RFX4: variants seen among roughly 807,000 people sequenced by gnomAD.
RFX4 encodes the protein transcription factor RFX4.
A neutral mutation model predicts 95.0 loss-of-function variants in RFX4; 10 were observed. The observed-to-expected ratio is 0.11, with a 90% CI of 0.06 to 0.18. The LOEUF is 0.18. RFX4 is among the 10% of genes least tolerant of loss of function. The probability of loss-of-function intolerance (pLI) is 1.00; values close to 1 mark genes in which losing one functional copy is unlikely to be tolerated. For synonymous variants in RFX4, 321 were observed against 340.7 expected (o/e 0.94, Z 0.64); for missense variants, 640 against 922.0 (o/e 0.69, Z 3.96).
intron 17 of RFX4, among the ~76,000 whole-genome samples, chr12:106,753,727 A>AC (rs1378630379): frequency 6.6e-6 from 1 of 151,946 alleles, no homozygotes; most frequent in African/African-American, 2.4e-5. Context: ...CTCAGGCACC[A>AC]CCCCCTGCCG....
At chr12:106,605,729 A>T (rs1469252076) in intron 1 of RFX4, among the ~76,000 whole-genome samples, 2 of 152,210 alleles carry the variant, frequency 1.3e-5, no homozygotes, top group Non-Finnish European at 2.9e-5. Context: ...TGGTTCTTTG[A>T]TGGGGGTACT....
At chr12:106,672,187 T>C (rs1005612765) in intron 4 of RFX4, among the ~76,000 whole-genome samples, 2 of 152,168 alleles carry the variant, frequency 1.3e-5, no homozygotes, top group Admixed American at 6.5e-5. Context: ...TGTAAGGGTA[T>C]CCTGCATGCT....
chr12:106,600,350 A>G (rs1248707329), intron 1 of RFX4, among the ~76,000 whole-genome samples: 1 of 152,028 alleles, frequency 6.6e-6, no homozygotes, highest in Non-Finnish European at 1.5e-5. Context: ...GCTTCCTCCA[A>G]GAAGCTTCCT....
At chr12:106,677,241 G>T (rs78154585) in intron 4 of RFX4, among the ~76,000 whole-genome samples, 1 of 152,278 alleles carries the variant, frequency 6.6e-6, no homozygotes, top group Non-Finnish European at 1.5e-5. Flanking sequence ...GGCAGCTAAG[G>T]CTGCATGGGA....
chr12:106,649,009 C>T (rs994631636), intron 3 of RFX4, among the ~76,000 whole-genome samples: 2 of 152,010 alleles, frequency 1.3e-5, no homozygotes, highest in African/African-American at 2.4e-5. Context: ...AGCTCATTAT[C>T]TCTCCATAAT....
intron 16 of RFX4, among the ~76,000 whole-genome samples, chr12:106,750,329 TA>T (rs1348965078): frequency 6.6e-6 from 1 of 151,592 alleles, no homozygotes; most frequent in African/African-American, 2.4e-5. Flanking sequence ...ATATAAAAAT[TA>T]GCCGGGCATG....
chr12:106,604,058 G>C (rs1261558769), intron 1 of RFX4, among the ~76,000 whole-genome samples: 1 of 151,202 alleles, frequency 6.6e-6, no homozygotes, highest in Non-Finnish European at 1.5e-5. Flanking sequence ...TTTCTACTTG[G>C]TAACTAGAGG....
chr12:106,644,617 T>G (rs769679916), intron 3 of RFX4, among the ~76,000 whole-genome samples: 7 of 152,206 alleles, frequency 4.6e-5, no homozygotes, highest in Admixed American at 6.5e-5. Context: ...CATCTTCGTG[T>G]GTGCCCCCTT....
chr12:106,684,824 C>T (rs1367246917), intron 5 of RFX4: 2 of 1,555,032 alleles, frequency 1.3e-6, no homozygotes, highest in Non-Finnish European at 1.7e-6. Context: ...ATGAACTGGG[C>T]TGCCTTCGGA....
chr12:106,709,558 T>C (rs1432383938), intron 9 of RFX4, 128 bp downstream of exon 9: 2 of 619,048 alleles, frequency 3.2e-6, no homozygotes, highest in Non-Finnish European at 5.5e-6. Flanking sequence ...GGTATTATAC[T>C]AATTACTTTA....
intron 5 of RFX4, 31 bp downstream of exon 5, chr12:106,682,085 A>G: frequency 1.2e-6 from 2 of 1,612,320 alleles, no homozygotes; most frequent in Non-Finnish European, 1.7e-6. Flanking sequence ...CCACCTGCAG[A>G]GCGCACATCT....
intron 3 of RFX4, among the ~76,000 whole-genome samples, chr12:106,650,965 T>C (rs2040846933): frequency 6.6e-6 from 1 of 152,174 alleles, no homozygotes; most frequent in Non-Finnish European, 1.5e-5. Flanking sequence ...CTTTGTTTCT[T>C]TCAGTCCTCC....
chr12:106,709,884 A>G (rs2042159867), intron 9 of RFX4, among the ~76,000 whole-genome samples: 1 of 152,206 alleles, frequency 6.6e-6, no homozygotes, highest in African/African-American at 2.4e-5. Flanking sequence ...CAGGTCTCAG[A>G]TTTCCTTGAA....
At chr12:106,604,459 A>G (rs1256267556) in intron 1 of RFX4, among the ~76,000 whole-genome samples, 1 of 152,094 alleles carries the variant, frequency 6.6e-6, no homozygotes, top group Non-Finnish European at 1.5e-5. Context: ...TTGCATCTGG[A>G]AGGCACAAAA....
chr12:106,745,188 A>C (rs1566003893), intron 15 of RFX4, among the ~76,000 whole-genome samples: 2 of 151,888 alleles, frequency 1.3e-5, no homozygotes, highest in Non-Finnish European at 2.9e-5. Context: ...ATTGTCTCGA[A>C]TCTTTTATAT....
At chr12:106,738,828 CA>C (rs2042757022) in intron 15 of RFX4, among the ~76,000 whole-genome samples, 1 of 152,148 alleles carries the variant, frequency 6.6e-6, no homozygotes, top group South Asian at 2.1e-4. Context: ...TTATAAAGCA[CA>C]AACTATTTAC....
intron 13 of RFX4, among the ~76,000 whole-genome samples, chr12:106,727,193 C>T (rs933097375): frequency 9.2e-5 from 14 of 151,930 alleles, no homozygotes; most frequent in Admixed American, 2.0e-4. Context: ...GAAAAATTAC[C>T]AATTAACATA....
intron 2 of RFX4, among the ~76,000 whole-genome samples, chr12:106,625,138 G>A (rs1232561809): frequency 6.6e-6 from 1 of 152,194 alleles, no homozygotes; most frequent in Admixed American, 6.5e-5. Context: ...GGAAACTGAG[G>A]CTTAGAGAAG....
chr12:106,608,223 C>A (rs2039879130), intron 1 of RFX4, among the ~76,000 whole-genome samples: 1 of 152,082 alleles, frequency 6.6e-6, no homozygotes, highest in East Asian at 1.9e-4. Flanking sequence ...ACATAGCTAC[C>A]ATAGTGCTTT....
Sources: allele counts gnomAD v4.1 joint callset (sites outside exome capture counted in the v4.1 genomes callset), GRCh38; gene constraint gnomAD v4.1.1; transcripts MANE v1.5; gene names NCBI Gene and HGNC (gene_info 2026-07-23, HGNC 2026-07-21).